Variants in CD44 observed in about 807,000 individuals in gnomAD.
CD44 encodes CD44 antigen.
In CD44, 49 loss-of-function variants were observed where a neutral mutation model predicts 88.8. The observed-to-expected ratio is 0.55, with a 90% CI of 0.44 to 0.70. The LOEUF (loss-of-function observed/expected upper bound fraction) is 0.70. Ranked by LOEUF, CD44 falls within the 30% of genes least tolerant of loss-of-function variation. CD44 has a pLI of 0.00. For missense variants in CD44, 883 were observed against 913.8 expected (o/e 0.97, Z 0.43); for synonymous variants, 325 against 312.3 (o/e 1.04, Z -0.43).
intron 1 of CD44, among the ~76,000 whole-genome samples, chr11:35,152,699 T>C (rs1419204232): frequency 6.6e-6 from 1 of 152,194 alleles, no homozygotes; most frequent in Non-Finnish European, 1.5e-5. Context: ...TTCTTTGGAA[T>C]GCTCAGCAGT....
intron 1 of CD44, among the ~76,000 whole-genome samples, chr11:35,169,801 T>C (rs1278797297): frequency 1.3e-5 from 2 of 152,228 alleles, no homozygotes; most frequent in Non-Finnish European, 2.9e-5. Flanking sequence ...ATGAGATTAA[T>C]GGCATTTGGG....
chr11:35,200,981 G>A, intron 7 of CD44, 101 bp from the exon 8 acceptor site: 1 of 843,858 alleles, frequency 1.2e-6, no homozygotes, highest in Non-Finnish European at 2.1e-6. Flanking sequence ...TGGTATAGAT[G>A]ATTCATTGCA....
intron 9 of CD44, among the ~76,000 whole-genome samples, chr11:35,203,178 G>A (rs1947473492): frequency 6.6e-6 from 1 of 152,164 alleles, no homozygotes. Context: ...CTAGAAGAAA[G>A]TCAACCTTCA....
chr11:35,221,539 C>A (rs1704180471), intron 16 of CD44, 115 bp from the exon 17 acceptor site: 2 of 856,870 alleles, frequency 2.3e-6, no homozygotes, highest in African/African-American at 3.3e-5. Context: ...GGCCAGACCC[C>A]CCTGCAGCGC....
At chr11:35,222,611 A>C (rs1949397350) in intron 17 of CD44, 1 of 630,972 alleles carries the variant, frequency 1.6e-6, no homozygotes, top group Admixed American at 6.5e-5. Flanking sequence ...ATATATATAT[A>C]TATATACACA....
chr11:35,198,216 GATGATGATGAAGATTTTATCTCC>G lies in CD44; in HGVS notation c.894_916del (p.Asp298GlufsTer11), dbSNP rs1222165476. 8 of 1,613,768 alleles carry G rather than the reference GATGATGATGAAGATTTTATCTCC, an allele frequency of 5.0e-6. No homozygotes were observed. The highest frequency in any genetic ancestry group is 6.8e-6 in the Non-Finnish European group (8 of 1,179,774). ...CCTCAGTTTTTCTGGATCAGGCATT[GATGATGATGAAGATTTTATCTCC>G]AGCACCAGTAAGAATAATCAATTAC... On this transcript the variant is annotated frameshift_variant, in exon 7 of 18. Coordinates refer to ENST00000428726, the MANE Select transcript of CD44 (RefSeq NM_000610.4). LOFTEE classifies it high-confidence loss of function.
At position 35,165,601 on chromosome 11, in the gene CD44, T is replaced by C. The variant is rs186166787; in HGVS notation, c.68-10974T>C. Among the ~76,000 whole-genome samples, 48 of 152,318 alleles carry C rather than the reference T, an allele frequency of 3.2e-4. 1 individual carries two copies. The East Asian group carries it at 9.2e-3, about 29-fold the overall frequency. On this transcript the variant is annotated intron_variant, in intron 1 of 17. Coordinates refer to ENST00000428726, the MANE Select transcript of CD44 (RefSeq NM_000610.4). ...CCAATGTGTCTTAATTCATATGAGG[T>C]TTCTGAGAAGCTTTTTGAGATTTTA...
In CD44 at chr11:35,201,122, C is replaced by A. The variant is rs1357018053; in HGVS notation, c.963C>A (p.Asn321Lys). 6.2e-7 allele frequency: 1 copy of A among 1,614,090 alleles called. No homozygotes were observed. The highest frequency in any genetic ancestry group is 8.5e-7 in the Non-Finnish European group (1 of 1,179,940). Residue 321 changes from asparagine to lysine, a missense_variant, in exon 8 of 18, where the codon AAC (asparagine) becomes AAA (lysine). By Grantham distance (94) the Asn-to-Lys change is moderately conservative (BLOSUM62 0). This residue lies in a region of CD44 where 631 missense variants were observed against 590.9 expected (regional missense o/e 1.07). Transcript: ENST00000428726. ...TPRAFDHTKQ[N>K]QDWTQWNPSH... Reference sequence around the variant, plus strand: ...GGGCTTTTGACCACACAAAACAGAACCAGGACTGGACCCAGTGGAACCCAA... The same window carrying A: ...GGGCTTTTGACCACACAAAACAGAAACAGGACTGGACCCAGTGGAACCCAA...
At chr11:35,227,545 A>G (rs1317292103) in intron 17 of CD44, among the ~76,000 whole-genome samples, 1 of 152,192 alleles carries the variant, frequency 6.6e-6, no homozygotes, top group Non-Finnish European at 1.5e-5. Flanking sequence ...CCTGGTCCCC[A>G]TGAATCTGTT....
chr11:35,226,236 A>G (rs1949680809), intron 17 of CD44, among the ~76,000 whole-genome samples: 1 of 152,224 alleles, frequency 6.6e-6, no homozygotes, highest in Non-Finnish European at 1.5e-5. Context: ...CACTGTCAAG[A>G]TCAGCTTCGT....
chr11:35,173,826 G>A (rs913800257), intron 1 of CD44, among the ~76,000 whole-genome samples: 2 of 152,218 alleles, frequency 1.3e-5, no homozygotes. Context: ...AGTTGTTTAG[G>A]TGTGCCTCTC....
chr11:35,219,289 G>T, intron 15 of CD44, 27 bp from the exon 16 acceptor site: 1 of 1,589,542 alleles, frequency 6.3e-7, no homozygotes, highest in South Asian at 1.1e-5. Flanking sequence ...TCAAACTTTG[G>T]TTGAGAGATG....
intron 15 of CD44, 165 bp from the exon 16 acceptor site, chr11:35,219,151 G>A (rs1949087555): frequency 1.6e-6 from 1 of 612,914 alleles, no homozygotes; most frequent in Admixed American, 2.8e-5. Context: ...AAATGAGGTG[G>A]GGGGGAAATC....
At chr11:35,210,197 G>T in intron 13 of CD44, 143 bp downstream of exon 13, 1 of 517,240 alleles carries the variant, frequency 1.9e-6, no homozygotes, top group Non-Finnish European at 3.4e-6. Flanking sequence ...TCTGGTGGTG[G>T]TTCTCTGATT....
intron 1 of CD44, chr11:35,139,593 A>C: frequency 1.3e-6 from 1 of 756,296 alleles, no homozygotes; most frequent in African/African-American, 1.7e-5. Flanking sequence ...AAAGAGAAGA[A>C]AGTTTGTTGG....
intron 12 of CD44, among the ~76,000 whole-genome samples, chr11:35,209,735 T>C (rs1400379315): frequency 6.6e-6 from 1 of 152,204 alleles, no homozygotes; most frequent in Admixed American, 6.5e-5. Flanking sequence ...CTTGCCACTT[T>C]ACCTTTGATG....
At chr11:35,201,439 C>T (rs1259423072) in intron 8 of CD44, among the ~76,000 whole-genome samples, 1 of 152,052 alleles carries the variant, frequency 6.6e-6, no homozygotes, top group Non-Finnish European at 1.5e-5. Flanking sequence ...TGTGGTTCTG[C>T]CTTTGACAAA....
chr11:35,189,868 A>T lies in CD44; in HGVS notation c.470A>T (p.Gln157Leu). The T allele has an allele frequency of 6.2e-7, 1 of 1,614,140 alleles. No individual in the cohort carries two copies. Among genetic ancestry groups the T allele is most frequent in the Non-Finnish European group, 8.5e-7 (1 of 1,179,986 alleles). Residue 157 changes from glutamine to leucine, a missense_variant, in exon 5 of 18, where the codon CAG becomes CTG. By Grantham distance (113) the Gln-to-Leu change is moderately radical. This residue lies in a region of CD44 where 252 missense variants were observed against 322.9 expected (regional missense o/e 0.78). Coordinates refer to ENST00000428726, the MANE Select transcript of CD44 (RefSeq NM_000610.4). ...IVNRDGTRYV[Q>L]KGEYRTNPED... ...AACCGTGATGGCACCCGCTATGTCC[A>T]GAAAGGAGAATACAGAACGAATCCT... is the stretch of plus-strand genomic sequence containing the variant.
chr11:35,156,550 C>T (rs1281720554), intron 1 of CD44, among the ~76,000 whole-genome samples: 1 of 152,150 alleles, frequency 6.6e-6, no homozygotes, highest in Admixed American at 6.5e-5. Context: ...GATCATGAGC[C>T]TTGTTGAGCA....
Sources: allele counts gnomAD v4.1 joint callset (sites outside exome capture counted in the v4.1 genomes callset), GRCh38; gene constraint gnomAD v4.1.1; regional missense constraint gnomAD v4.1.1; transcripts MANE v1.5; gene names NCBI Gene and HGNC (gene_info 2026-07-23, HGNC 2026-07-21).